PCDHGA8: variants seen among roughly 807,000 people sequenced by gnomAD.
PCDHGA8 encodes protocadherin gamma subfamily A, 8.
In PCDHGA8, 45 loss-of-function variants were observed where a neutral mutation model predicts 59.2. That is an observed-to-expected ratio of 0.76 (90% CI 0.60 to 0.98). The LOEUF (loss-of-function observed/expected upper bound fraction) is 0.98, where lower values mean the gene tolerates loss of function less well. Among genes scored for constraint, PCDHGA8 ranks in the 50% least tolerant of loss-of-function variants. PCDHGA8 has a pLI of 0.00. For missense variants in PCDHGA8, 1,257 were observed against 1,196.2 expected (o/e 1.05, Z -0.75); for synonymous variants, 531 against 519.0 (o/e 1.02, Z -0.32).
chr5:141,404,435 A>G, intron 1 of PCDHGA8: 2 of 1,613,032 alleles, frequency 1.2e-6, no homozygotes, highest in South Asian at 2.2e-5. Flanking sequence ...GGCAGAGGAT[A>G]CCATCCAAGG....
At position 141,395,545 on chromosome 5, in the gene PCDHGA8, TGTG is replaced by T. The variant is rs1561655187; in HGVS notation, c.2424+309_2424+311del. The T allele has an allele frequency of 2.9e-4, 51 of 177,126 alleles. 1 individual carries two copies. The highest frequency in any genetic ancestry group is 1.2e-3 in the African/African-American group (46 of 38,988). 11.0% of individuals were successfully genotyped at this position (177,126 alleles called of 1,614,324 possible). A position where few individuals can be genotyped will look rare whatever the true frequency, so the allele number is the denominator to read the frequency against. ...ATACTGGTAATTTTGCTATTGTTTG[TGTG>T]TGTGTGTGTGTGTGTGTGTGTGTGT... is the stretch of plus-strand genomic sequence containing the variant. On this transcript the variant is annotated intron_variant, in intron 1 of 3. Coordinates refer to ENST00000398604, the MANE Select transcript of PCDHGA8 (RefSeq NM_032088.2).
intron 2 of PCDHGA8, 35 bp from the exon 3 acceptor site, chr5:141,505,358 G>A (rs1156448862): frequency 6.2e-7 from 1 of 1,613,796 alleles, no homozygotes; most frequent in Non-Finnish European, 8.5e-7. Context: ...GTGCCGGCCT[G>A]GGAGTCTGTG....
rs751177252 is a variant in PCDHGA8 at position 141,415,407 on chromosome 5, T to G, written c.2424+20170T>G. The G allele has an allele frequency of 1.9e-6, 3 of 1,614,086 alleles. No homozygotes were observed. The African/African-American group carries it at 4.0e-5, about 22-fold the overall frequency. ...TGACAGGTGTGTCCGGCTCGCACTTTGTGGGCGTGGACGGGGTTCGGGCTT... is the reference window on the plus strand; with the variant it reads ...TGACAGGTGTGTCCGGCTCGCACTTGGTGGGCGTGGACGGGGTTCGGGCTT... On this transcript the variant is annotated intron_variant, in intron 1 of 3. Transcript: ENST00000398604.
intron 1 of PCDHGA8, among the ~76,000 whole-genome samples, chr5:141,433,680 A>G (rs570459317): frequency 1.3e-5 from 2 of 152,236 alleles, no homozygotes; most frequent in African/African-American, 4.8e-5. Context: ...TACTAAAAAA[A>G]TACAAAATTA....
chr5:141,404,934 C>G, intron 1 of PCDHGA8: 1 of 1,613,986 alleles, frequency 6.2e-7, no homozygotes. Context: ...GTCACGCTCA[C>G]AGTAGCCATA....
chr5:141,487,822 G>C lies in PCDHGA8; in HGVS notation c.2425-6985G>C. On this transcript the variant is annotated intron_variant, in intron 1 of 3. Coordinates refer to ENST00000398604, the MANE Select transcript of PCDHGA8 (RefSeq NM_032088.2). The surrounding 1 kb of genome is among the most constrained non-coding windows in gnomAD (Gnocchi z 5.0). ...TGTCACAGTTTAGCATTGGGGGCGGGTCATGCCTATATCTGAGTAAGAAAT... is the reference window on the plus strand; with the variant it reads ...TGTCACAGTTTAGCATTGGGGGCGGCTCATGCCTATATCTGAGTAAGAAAT... 1 of 1,278,758 alleles carries C rather than the reference G, an allele frequency of 7.8e-7. No individual in the cohort carries two copies. The highest frequency in any genetic ancestry group is 1.4e-5 in the South Asian group (1 of 69,172). The allele number at this position is 1,278,758 out of a possible 1,614,324, so 79.2% of individuals were successfully genotyped here. A position where few individuals can be genotyped will look rare whatever the true frequency, so the allele number is the denominator to read the frequency against.
At chr5:141,414,748 G>T (rs765780935) in intron 1 of PCDHGA8, 1 of 1,614,182 alleles carries the variant, frequency 6.2e-7, no homozygotes, top group South Asian at 1.1e-5. Context: ...CAGATCCTTC[G>T]ACTATGAGCA....
chr5:141,415,098 G>A, intron 1 of PCDHGA8: 5 of 1,613,586 alleles, frequency 3.1e-6, no homozygotes, highest in Non-Finnish European at 4.2e-6. Context: ...ACAGAGACGC[G>A]CTCAAGCAAA....
chr5:141,418,324 G>A, intron 1 of PCDHGA8: 2 of 1,614,006 alleles, frequency 1.2e-6, no homozygotes, highest in Non-Finnish European at 1.7e-6. Context: ...CAATTCTTGA[G>A]TCTGCAGAAG....
At position 141,432,395 on chromosome 5, in the gene PCDHGA8, G is replaced by A; in HGVS notation, c.2424+37158G>A. 6.2e-7 allele frequency: 1 copy of A among 1,614,240 alleles called. No individual in the cohort carries two copies. ...CGGGCACCCGCCCCTCAGCAGCAAC[G>A]TGTCGTTGAGCCTGTTCGTGCTGGA... On this transcript the variant is annotated intron_variant, in intron 1 of 3. Coordinates refer to ENST00000398604, the MANE Select transcript of PCDHGA8 (RefSeq NM_032088.2). This position sits in a 1 kb window ranked among gnomAD's most constrained non-coding sequence, Gnocchi z 6.0.
chr5:141,403,273 A>C, intron 1 of PCDHGA8: 1 of 1,613,886 alleles, frequency 6.2e-7, no homozygotes, highest in African/African-American at 1.3e-5. Context: ...TGAACTTTAA[A>C]GTCCTGGTTG....
chr5:141,436,781 A>C (rs1041532929), intron 1 of PCDHGA8, among the ~76,000 whole-genome samples: 1 of 152,236 alleles, frequency 6.6e-6, no homozygotes, highest in Admixed American at 6.5e-5. Flanking sequence ...TGTGGATGGA[A>C]ATAAAACTGT....
intron 1 of PCDHGA8, chr5:141,403,999 T>C (rs1399272947): frequency 3.1e-6 from 5 of 1,613,898 alleles, no homozygotes; most frequent in Non-Finnish European, 4.2e-6. Context: ...AAGTGACCAT[T>C]ACATCTCTGT....
chr5:141,477,845 GT>G lies in PCDHGA8; in HGVS notation c.2425-16961del, dbSNP rs1562065234. ...ATATCCTCGGCCAGGTGGGAGCTCG[GT>G]GGAGATGCTGCCTCGAGGTACCTCA... is the stretch of plus-strand genomic sequence containing the variant. On this transcript the variant is annotated intron_variant, in intron 1 of 3. Coordinates refer to ENST00000398604, the MANE Select transcript of PCDHGA8 (RefSeq NM_032088.2). This position sits in a 1 kb window ranked among gnomAD's most constrained non-coding sequence, Gnocchi z 4.9. 1 of 1,614,038 alleles carries G rather than the reference GT, an allele frequency of 6.2e-7. No homozygotes were observed. Among genetic ancestry groups the G allele is most frequent in the East Asian group, 2.2e-5 (1 of 44,896 alleles).
At position 141,392,893 on chromosome 5, in the gene PCDHGA8, G is replaced by C; in HGVS notation, c.80G>C (p.Gly27Ala). 6.2e-7 allele frequency: 1 copy of C among 1,613,780 alleles called. No homozygotes were observed. The highest frequency in any genetic ancestry group is 1.1e-5 in the South Asian group (1 of 91,072). ...CALLGTLWEI[G>A]RGQIRYSVPE... ...CTGCTGGGAACGCTGTGGGAAATCGGGAGGGGACAGATTCGCTACTCTGTG... is the reference window on the plus strand; with the variant it reads ...CTGCTGGGAACGCTGTGGGAAATCGCGAGGGGACAGATTCGCTACTCTGTG... The change falls in exon 1 of 4, where the codon GGG becomes GCG. Residue 27 changes from glycine to alanine, a missense_variant. Gly to Ala is a moderately conservative substitution (Grantham distance 60). Transcript: ENST00000398604.
chr5:141,460,388 G>T (rs1425099375), intron 1 of PCDHGA8, among the ~76,000 whole-genome samples: 1 of 151,774 alleles, frequency 6.6e-6, no homozygotes, highest in East Asian at 1.9e-4. Context: ...TTATAATTTG[G>T]TCTATGAATC....
At chr5:141,439,531 G>A (rs1474855779) in intron 1 of PCDHGA8, among the ~76,000 whole-genome samples, 5 of 152,126 alleles carry the variant, frequency 3.3e-5, no homozygotes, top group Admixed American at 3.3e-4. Flanking sequence ...TCTACAGAAC[G>A]CTGTCCTCTC....
intron 1 of PCDHGA8, chr5:141,427,524 C>T (rs1421119651): frequency 1.6e-6 from 1 of 610,726 alleles, no homozygotes; most frequent in South Asian, 1.5e-5. Flanking sequence ...GGAGCGGATC[C>T]CGGAGTACAA....
At chr5:141,416,674 G>A (rs547618174) in intron 1 of PCDHGA8, 1 of 152,250 alleles carries the variant, frequency 6.6e-6, no homozygotes, top group South Asian at 2.1e-4. Flanking sequence ...TATATGCAAC[G>A]AAGGGAAATT....
Sources: gnomAD v4.1 joint callset for allele counts (sites outside exome capture counted in the v4.1 genomes callset) on GRCh38, gnomAD v4.1.1 for gene constraint, Gnocchi (gnomAD v3.1) non-coding constraint, MANE v1.5 for transcripts, NCBI Gene and HGNC (gene_info 2026-07-23, HGNC 2026-07-21) for gene names.